SCAPER: variants seen among roughly 807,000 people sequenced by gnomAD.
The protein encoded by SCAPER is S-phase cyclin A associated protein in the ER.
SCAPER carries 98 observed loss-of-function variants against 182.2 expected under a neutral mutation model. The ratio of observed to expected loss-of-function variants is 0.54; its 90% CI spans 0.46 to 0.64. The LOEUF is 0.64. SCAPER is among the 30% of genes least tolerant of loss of function. The pLI, the probability that SCAPER is intolerant of heterozygous loss-of-function variation, is 0.00. For synonymous variants in SCAPER, 605 were observed against 564.6 expected, an observed-to-expected ratio of 1.07 and a Z score of -1.01; for missense variants, 1,432 against 1,690.0, an observed-to-expected ratio of 0.85 and a Z score of 2.68.
intron 23 of SCAPER, among the ~76,000 whole-genome samples, chr15:76,566,405 C>A (rs773160847): frequency 1.3e-5 from 2 of 152,104 alleles, no homozygotes; most frequent in Non-Finnish European, 2.9e-5. Context: ...ACAGCTGAAT[C>A]TCTATTTAAA....
At chr15:76,513,202 T>C (rs137978485) in intron 23 of SCAPER, among the ~76,000 whole-genome samples, 2 of 152,292 alleles carry the variant, frequency 1.3e-5, no homozygotes, top group East Asian at 1.9e-4. Context: ...AAATACCTGA[T>C]AGATTAGTGA....
At chr15:76,861,549 A>G (rs975836766) in intron 3 of SCAPER, among the ~76,000 whole-genome samples, 2 of 152,178 alleles carry the variant, frequency 1.3e-5, no homozygotes, top group Non-Finnish European at 2.9e-5. Context: ...CCAATCTTCA[A>G]CATCCTCAAA....
rs192255606 is a variant in SCAPER at position 76,592,190 on chromosome 15, T to C, written c.2712-17906A>G. On this transcript the variant is annotated intron_variant, in intron 22 of 31. Transcript: ENST00000563290. ...GGTTCTACATATAGGTATATAAAAA[T>C]AGGTAATACTTAGGAATGAAATTAA... 4.7e-4 allele frequency among the ~76,000 whole-genome samples: 72 copies of C among 151,910 alleles called. 1 individual carries two copies. The East Asian group carries it at 0.014, about 29-fold the overall frequency.
At chr15:76,612,040 A>G (rs1345035866) in intron 22 of SCAPER, among the ~76,000 whole-genome samples, 1 of 152,198 alleles carries the variant, frequency 6.6e-6, no homozygotes, top group Non-Finnish European at 1.5e-5. Context: ...GCACAAGACA[A>G]GAATGCCCTC....
intron 25 of SCAPER, among the ~76,000 whole-genome samples, chr15:76,441,101 T>G (rs940994282): frequency 1.3e-5 from 2 of 151,844 alleles, no homozygotes; most frequent in African/African-American, 4.8e-5. Flanking sequence ...TTTTGTATTT[T>G]TAGTAGAGAC....
At chr15:76,615,904 T>A (rs938080830) in intron 22 of SCAPER, among the ~76,000 whole-genome samples, 4 of 150,032 alleles carry the variant, frequency 2.7e-5, no homozygotes, top group Non-Finnish European at 5.9e-5. Context: ...GTAAATGCAA[T>A]CCGAAACTAA....
At chr15:76,613,071 G>C (rs1342668531) in intron 22 of SCAPER, among the ~76,000 whole-genome samples, 1 of 152,114 alleles carries the variant, frequency 6.6e-6, no homozygotes, top group Non-Finnish European at 1.5e-5. Context: ...GTACAATACA[G>C]ACACATAGAC....
intron 22 of SCAPER, among the ~76,000 whole-genome samples, chr15:76,610,500 G>C (rs1323511727): frequency 2.6e-5 from 4 of 151,960 alleles, no homozygotes; most frequent in Non-Finnish European, 5.9e-5. Flanking sequence ...TAAAATGACT[G>C]GATATGACAA....
rs186305950 is a variant in SCAPER, at chr15:76,593,819, G to A, written c.2712-19535C>T. Among the ~76,000 whole-genome samples the A allele has an allele frequency of 1.3e-4, 16 of 121,054 alleles. 1 individual carries two copies. Among genetic ancestry groups the A allele is most frequent in the African/African-American group, 4.0e-4 (16 of 39,716 alleles). The allele number at this position is 121,054 out of a possible 152,430, so 79.4% of individuals were successfully genotyped here. A position where few individuals can be genotyped will look rare whatever the true frequency, so the allele number is the denominator to read the frequency against. ...CATCCACACAGAAACCCCATCCGAA[G>A]GTCACCAACATCAAAGACCAAAGGT... On this transcript the variant is annotated intron_variant, in intron 22 of 31. Transcript: ENST00000563290.
At chr15:76,710,024 A>T (rs914389466) in intron 17 of SCAPER, among the ~76,000 whole-genome samples, 1 of 152,194 alleles carries the variant, frequency 6.6e-6, no homozygotes, top group Non-Finnish European at 1.5e-5. Context: ...ATCTATGAAG[A>T]GACTTTATCA....
chr15:76,682,745 G>C (rs141467925), intron 20 of SCAPER, among the ~76,000 whole-genome samples: 208 of 152,194 alleles, frequency 1.4e-3, no homozygotes, highest in African/African-American at 4.6e-3. Context: ...AAAGCAGAGG[G>C]CTGGATACTA....
At chr15:76,742,830 T>TA (rs1158119591) in intron 15 of SCAPER, among the ~76,000 whole-genome samples, 1 of 152,066 alleles carries the variant, frequency 6.6e-6, no homozygotes, top group African/African-American at 2.4e-5. Flanking sequence ...TCAAGGAAAG[T>TA]ACACTTATAG....
intron 8 of SCAPER, among the ~76,000 whole-genome samples, chr15:76,787,537 G>T (rs2064698858): frequency 6.6e-6 from 1 of 152,018 alleles, no homozygotes; most frequent in Non-Finnish European, 1.5e-5. Context: ...TGTTGCCCAG[G>T]CTGGATGTGA....
intron 4 of SCAPER, among the ~76,000 whole-genome samples, chr15:76,856,422 AATACAT>A (rs1317646261): frequency 2.0e-5 from 3 of 151,868 alleles, no homozygotes; most frequent in African/African-American, 7.2e-5. Flanking sequence ...TAAAGGTTAA[AATACAT>A]ATACATATAT....
chr15:76,404,825 AT>A (rs1233736275), intron 26 of SCAPER, 146 bp from the exon 27 acceptor site: 3 of 598,318 alleles, frequency 5.0e-6, no homozygotes, highest in Non-Finnish European at 7.7e-6. Flanking sequence ...TCAAGTAACA[AT>A]TTCCTTAGAT....
chr15:76,457,432 C>A (rs1271268822), intron 25 of SCAPER, among the ~76,000 whole-genome samples: 1 of 152,120 alleles, frequency 6.6e-6, no homozygotes, highest in Non-Finnish European at 1.5e-5. Context: ...TTCTGTTTGT[C>A]CCCTCTGTGT....
chr15:76,770,865 G>A (rs2063427542), intron 10 of SCAPER, among the ~76,000 whole-genome samples: 1 of 151,962 alleles, frequency 6.6e-6, no homozygotes, highest in Non-Finnish European at 1.5e-5. Flanking sequence ...AAAATCAATT[G>A]TTCTACCTTA....
At chr15:76,595,967 C>G (rs1369652784) in intron 22 of SCAPER, among the ~76,000 whole-genome samples, 1 of 120,820 alleles carries the variant, frequency 8.3e-6, no homozygotes, top group Non-Finnish European at 2.0e-5. Context: ...CAGAGCAGAA[C>G]TGAAGGAGAT....
chr15:76,769,334 T>C (rs2063311583), intron 10 of SCAPER, among the ~76,000 whole-genome samples: 1 of 150,438 alleles, frequency 6.6e-6, no homozygotes, highest in African/African-American at 2.5e-5. Flanking sequence ...TCCCAGCTAC[T>C]CGGGAGGCTG....
Sources: allele counts gnomAD v4.1 joint callset (sites outside exome capture counted in the v4.1 genomes callset), GRCh38; gene constraint gnomAD v4.1.1; transcripts MANE v1.5; gene names NCBI Gene and HGNC (gene_info 2026-07-23, HGNC 2026-07-21).